The following NLGN4X variants were observed in gnomAD, a reference collection of about 807,000 sequenced individuals.
NLGN4X encodes the protein neuroligin 4 X-linked, also known as neuroligin-4, X-linked.
Under a neutral mutation model 40.3 loss-of-function variants are expected in NLGN4X, and 3 were observed. That is an observed-to-expected ratio of 0.07 (90% confidence interval 0.03 to 0.19). The LOEUF (loss-of-function observed/expected upper bound fraction) is 0.19, where lower values mean the gene tolerates loss of function less well. Among genes scored for constraint, NLGN4X ranks in the 10% least tolerant of loss-of-function variants. NLGN4X has a pLI of 1.00. For synonymous variants in NLGN4X, 270 were observed against 306.8 expected, an observed-to-expected ratio of 0.88 and a Z score of 1.25; for missense variants, 382 against 708.3, an observed-to-expected ratio of 0.54 and a Z score of 5.23.
intron 2 of NLGN4X, among the ~76,000 whole-genome samples, chrX:6,037,592 A>G (rs1182180196): frequency 9.0e-6 from 1 of 111,636 alleles, no homozygotes; most frequent in Non-Finnish European, 1.9e-5. Context: ...ATTGTTCTGC[A>G]TGAGATATCA....
At chrX:5,998,380 A>C (rs780694107) in intron 3 of NLGN4X, among the ~76,000 whole-genome samples, 1 of 100,717 alleles carries the variant, frequency 9.9e-6, no homozygotes, top group South Asian at 5.0e-4. Context: ...ATTGCACTCC[A>C]ACCTAGGCGA....
At chrX:6,225,145 T>C (rs1321154537) in intron 1 of NLGN4X, among the ~76,000 whole-genome samples, 1 of 104,911 alleles carries the variant, frequency 9.5e-6, no homozygotes, top group Non-Finnish European at 2.0e-5. Flanking sequence ...AATACATGCT[T>C]GCAGAGTTCT....
At chrX:6,196,745 G>T (rs920006429) in intron 1 of NLGN4X, among the ~76,000 whole-genome samples, 4 of 109,664 alleles carry the variant, frequency 3.6e-5, no homozygotes, top group Non-Finnish European at 1.9e-5. Flanking sequence ...CTTTTATGGG[G>T]TCCCTGGTCT....
intron 2 of NLGN4X, among the ~76,000 whole-genome samples, chrX:6,067,071 T>G (rs1271387005): frequency 9.0e-6 from 1 of 110,740 alleles, no homozygotes; most frequent in Non-Finnish European, 1.9e-5. Context: ...ATTGTACCAC[T>G]GCACATCAGC....
intron 2 of NLGN4X, among the ~76,000 whole-genome samples, chrX:6,072,508 A>T (rs1337035120): frequency 8.9e-6 from 1 of 111,956 alleles, no homozygotes; most frequent in East Asian, 2.8e-4. Flanking sequence ...AGAGTGAAAA[A>T]AGCATGTTTG....
At chrX:5,991,230 A>G (rs1195161407) in intron 3 of NLGN4X, among the ~76,000 whole-genome samples, 1 of 110,780 alleles carries the variant, frequency 9.0e-6, no homozygotes, top group Non-Finnish European at 1.9e-5. Context: ...AGTAAGAAAA[A>G]ATGAAAATAT....
chrX:6,211,095 G>T (rs1460895968), intron 1 of NLGN4X, among the ~76,000 whole-genome samples: 1 of 112,266 alleles, frequency 8.9e-6, no homozygotes, highest in Admixed American at 9.5e-5. Context: ...GGGCACATGG[G>T]ATCCTTTATT....
chrX:6,149,720 A>C (rs1048223163), intron 2 of NLGN4X, among the ~76,000 whole-genome samples: 1 of 111,655 alleles, frequency 9.0e-6, no homozygotes, highest in African/African-American at 3.3e-5. Context: ...AATGAAGCAG[A>C]ATCCTTTAAT....
intron 2 of NLGN4X, among the ~76,000 whole-genome samples, chrX:6,060,876 C>T (rs1380043009): frequency 1.8e-5 from 2 of 111,788 alleles, no homozygotes; most frequent in East Asian, 5.6e-4. Context: ...TTGCTATATC[C>T]TCAGAATTGT....
At chrX:6,025,091 T>G (rs2036654516) in intron 3 of NLGN4X, among the ~76,000 whole-genome samples, 1 of 111,653 alleles carries the variant, frequency 9.0e-6, no homozygotes, top group Non-Finnish European at 1.9e-5. Flanking sequence ...ATAGGAAATC[T>G]GTTTATAGAA....
rs2034276215 is a variant in NLGN4X, at chrX:5,950,602, T to C, written c.626-41363A>G. ...ATATGTGTCATATAATAGTGGGCAG[T>C]TTCCAGAAACTTTCTGTACAAGGAG... On this transcript the variant is annotated intron_variant, in intron 3 of 5. Transcript: ENST00000381095. 5.4e-5 allele frequency among the ~76,000 whole-genome samples: 6 copies of C among 112,036 alleles called. No individual in the cohort carries two copies. In the Admixed American group the frequency reaches 5.7e-4, roughly 11 times the overall value.
chrX:6,027,444 G>T (rs1167366930), intron 3 of NLGN4X, among the ~76,000 whole-genome samples: 1 of 112,010 alleles, frequency 8.9e-6, no homozygotes, highest in Non-Finnish European at 1.9e-5. Context: ...TTTTTTGGTG[G>T]TGTTTATTTT....
intron 2 of NLGN4X, among the ~76,000 whole-genome samples, chrX:6,108,394 G>T (rs1227353998): frequency 3.6e-5 from 4 of 111,805 alleles, no homozygotes; most frequent in Admixed American, 9.6e-5. Context: ...AATAAAAATG[G>T]TGGCTCATGC....
chrX:6,079,709 A>G (rs2038298078), intron 2 of NLGN4X, among the ~76,000 whole-genome samples: 1 of 112,401 alleles, frequency 8.9e-6, no homozygotes, highest in African/African-American at 3.2e-5. Flanking sequence ...ACACATAGTA[A>G]GCACTCAATA....
intron 1 of NLGN4X, among the ~76,000 whole-genome samples, chrX:6,177,724 G>A (rs2147792055): frequency 9.0e-6 from 1 of 111,344 alleles, no homozygotes; most frequent in South Asian, 3.8e-4. Context: ...GACTGAGACT[G>A]AAAAAATCTA....
chrX:5,961,160 G>T (rs976685742), intron 3 of NLGN4X, among the ~76,000 whole-genome samples: 1 of 111,550 alleles, frequency 9.0e-6, no homozygotes, highest in Non-Finnish European at 1.9e-5. Context: ...TCCCGAGGGA[G>T]AATTTTTTAT....
intron 2 of NLGN4X, among the ~76,000 whole-genome samples, chrX:6,141,458 C>T (rs2039946254): frequency 8.9e-6 from 1 of 111,744 alleles, no homozygotes; most frequent in Non-Finnish European, 1.9e-5. Flanking sequence ...AATTATAAAA[C>T]AAATTCATAG....
intron 2 of NLGN4X, among the ~76,000 whole-genome samples, chrX:6,077,270 T>G (rs12842020): frequency 0.06 from 4,679 of 78,024 alleles, 256 homozygotes; most frequent in African/African-American, 0.16. Flanking sequence ...AAATTTTATT[T>G]TGTGTGTGTG....
intron 3 of NLGN4X, among the ~76,000 whole-genome samples, chrX:5,952,888 C>G (rs1056066936): frequency 1.9e-4 from 21 of 111,667 alleles, no homozygotes; most frequent in African/African-American, 5.9e-4. Context: ...TGATATTAAA[C>G]TGAAAATCTG....
Sources: gnomAD v4.1 joint callset for allele counts (sites outside exome capture counted in the v4.1 genomes callset) on GRCh38, gnomAD v4.1.1 for gene constraint, MANE v1.5 for transcripts, NCBI Gene and HGNC (gene_info 2026-07-23, HGNC 2026-07-21) for gene names.